Variants in COL4A3 observed in about 807,000 individuals in gnomAD.
COL4A3 encodes collagen type IV alpha 3 chain.
A neutral mutation model predicts 217.4 loss-of-function variants in COL4A3; 135 were observed. The ratio of observed to expected loss-of-function variants is 0.62; its 90% CI spans 0.54 to 0.72. The LOEUF is 0.72. Ranked by LOEUF, COL4A3 falls within the 30% of genes least tolerant of loss-of-function variation. The pLI is 0.00. For missense variants in COL4A3, 1,868 were observed against 2,119.9 expected (o/e 0.88, Z 2.33); for synonymous variants, 690 against 736.3 (o/e 0.94, Z 1.02).
At chr2:227,254,073 T>C (rs1322960704) in intron 13 of COL4A3, 39 bp from the exon 14 acceptor site, 2 of 1,571,140 alleles carry the variant, frequency 1.3e-6, no homozygotes, top group African/African-American at 2.7e-5. Flanking sequence ...AAATCTCATT[T>C]CATCCATTTG....
At chr2:227,168,598 T>C (rs899135341) in intron 1 of COL4A3, among the ~76,000 whole-genome samples, 2 of 152,208 alleles carry the variant, frequency 1.3e-5, no homozygotes, top group Admixed American at 1.3e-4. Context: ...CTTTGAGTTA[T>C]TGGTGCCTTA....
chr2:227,192,476 T>C (rs2066282172), intron 1 of COL4A3, among the ~76,000 whole-genome samples: 1 of 117,008 alleles, frequency 8.5e-6, no homozygotes, highest in Non-Finnish European at 1.9e-5. Context: ...TCTCAGCTAA[T>C]TGTGGAATCA....
intron 16 of COL4A3, 135 bp from the exon 17 acceptor site, chr2:227,256,207 GT>G: frequency 8.8e-7 from 1 of 1,142,372 alleles, no homozygotes; most frequent in Non-Finnish European, 1.3e-6. Flanking sequence ...GGGAATCATA[GT>G]TTTACATCCC....
chr2:227,196,669 A>G (rs1429867186), intron 1 of COL4A3, among the ~76,000 whole-genome samples: 1 of 152,198 alleles, frequency 6.6e-6, no homozygotes, highest in Non-Finnish European at 1.5e-5. Flanking sequence ...GTTTAGATAT[A>G]CAAACACGAT....
chr2:227,253,656 T>C lies in COL4A3; in HGVS notation c.765+18T>C, dbSNP rs2069941013. 5 of 1,601,814 alleles carry C rather than the reference T, an allele frequency of 3.1e-6. No homozygotes were observed. Among genetic ancestry groups the C allele is most frequent in the Non-Finnish European group, 4.3e-6 (5 of 1,168,856 alleles). On this transcript the variant is annotated intron_variant, in intron 13 of 51. Transcript: ENST00000396578. This position sits in a 1 kb window ranked among gnomAD's most constrained non-coding sequence, Gnocchi z 4.4. ...ACAGAACGGTAACTCTGCGATTTTA[T>C]GATTAGTGTTGTGCCTTCCCGTGTC...
At chr2:227,293,634 C>A (rs1275438926) in intron 38 of COL4A3, 7 of 469,088 alleles carry the variant, frequency 1.5e-5, no homozygotes, top group Admixed American at 8.6e-5. Context: ...TTTGTCCAGG[C>A]TTCCATAGTG....
intron 1 of COL4A3, among the ~76,000 whole-genome samples, chr2:227,234,197 G>A (rs1158401096): frequency 6.6e-6 from 1 of 152,020 alleles, no homozygotes; most frequent in East Asian, 1.9e-4. Context: ...AAAGAGAGAA[G>A]GAGAGACAGA....
chr2:227,273,158 G>C, intron 26 of COL4A3, 41 bp downstream of exon 26: 1 of 1,607,908 alleles, frequency 6.2e-7, no homozygotes, highest in Non-Finnish European at 8.5e-7. Flanking sequence ...CCGATGGAGT[G>C]GGTTGATGGT....
intron 51 of COL4A3, 25 bp from the exon 52 acceptor site, chr2:227,311,760 AT>A (rs754129578): frequency 3.7e-6 from 6 of 1,607,192 alleles, no homozygotes; most frequent in African/African-American, 1.3e-5. Context: ...AAATAAATGA[AT>A]TTTTTTGGTT....
intron 37 of COL4A3, 147 bp from the exon 38 acceptor site, chr2:227,293,043 TC>T: frequency 9.6e-7 from 1 of 1,041,510 alleles, no homozygotes; most frequent in Non-Finnish European, 1.4e-6. Context: ...GCCGTCTTAT[TC>T]CCAGCACCTA....
chr2:227,237,455 C>T (rs1314785519), intron 1 of COL4A3, among the ~76,000 whole-genome samples: 1 of 152,048 alleles, frequency 6.6e-6, no homozygotes, highest in Non-Finnish European at 1.5e-5. Flanking sequence ...TAACCAAATA[C>T]ATTGTGTTCT....
intron 1 of COL4A3, among the ~76,000 whole-genome samples, chr2:227,188,192 C>T (rs2066102168): frequency 6.6e-6 from 1 of 151,916 alleles, no homozygotes; most frequent in South Asian, 2.1e-4. Flanking sequence ...TAGAGGAATC[C>T]TGGCTTCTTC....
chr2:227,259,608 A>G (rs911435913), intron 18 of COL4A3, among the ~76,000 whole-genome samples, 185 bp from the exon 19 acceptor site: 2 of 152,256 alleles, frequency 1.3e-5, no homozygotes, highest in African/African-American at 4.8e-5. Flanking sequence ...ACAAAGGTCT[A>G]CTTATTTAAA....
chr2:227,233,106 TG>T (rs1438195596), intron 1 of COL4A3, among the ~76,000 whole-genome samples: 1 of 152,168 alleles, frequency 6.6e-6, no homozygotes, highest in Admixed American at 6.5e-5. Flanking sequence ...CTCAGCCTCC[TG>T]GGTTCAAGCA....
At chr2:227,267,287 G>A (rs909822768) in intron 23 of COL4A3, among the ~76,000 whole-genome samples, 199 bp downstream of exon 23, 4 of 152,162 alleles carry the variant, frequency 2.6e-5, no homozygotes, top group Non-Finnish European at 4.4e-5. Context: ...TTCCATTTTA[G>A]TTGCTGACCC....
chr2:227,283,997 C>A, intron 33 of COL4A3, 141 bp downstream of exon 33: 1 of 981,594 alleles, frequency 1.0e-6, no homozygotes, highest in Non-Finnish European at 1.5e-6. Flanking sequence ...TTTCTATGTT[C>A]CTTTTCTCCA....
intron 1 of COL4A3, among the ~76,000 whole-genome samples, chr2:227,213,928 A>G (rs1395876054): frequency 6.6e-6 from 1 of 151,696 alleles, no homozygotes; most frequent in African/African-American, 2.4e-5. Flanking sequence ...AAGAAAAAGA[A>G]AAAGAAAAAA....
chr2:227,296,348 A>G (rs1449319519), intron 41 of COL4A3: 1 of 207,874 alleles, frequency 4.8e-6, no homozygotes, highest in East Asian at 1.8e-4. Flanking sequence ...TCACAGTTTA[A>G]CCATTTGGAA....
chr2:227,237,923 T>C, intron 1 of COL4A3, 45 bp from the exon 2 acceptor site: 1 of 1,419,780 alleles, frequency 7.0e-7, no homozygotes, highest in Non-Finnish European at 1.0e-6. Flanking sequence ...TTGGGATTTA[T>C]TCAGCTGTTT....
Sources: gnomAD v4.1 joint callset for allele counts (sites outside exome capture counted in the v4.1 genomes callset) on GRCh38, gnomAD v4.1.1 for gene constraint, Gnocchi (gnomAD v3.1) non-coding constraint, MANE v1.5 for transcripts, NCBI Gene and HGNC (gene_info 2026-07-23, HGNC 2026-07-21) for gene names.